CHLSN: variants seen among roughly 807,000 people sequenced by gnomAD.
CHLSN encodes cholesin, also known as protein cholesin.
At chr7:997,071 C>T in the CHLSN span, 2 of 152,492 alleles carry the variant, frequency 1.3e-5, no homozygotes, top group Non-Finnish European at 2.9e-5. Context: ...GTACGTGATC[C>T]GACTCCACAA....
At chr7:980,080 G>A in the CHLSN span, among the ~76,000 whole-genome samples, 3 of 152,228 alleles carry the variant, frequency 2.0e-5, no homozygotes, top group East Asian at 1.9e-4. Context: ...GCAGTGTTAC[G>A]TTACGCAAAG....
At chr7:1,058,846 T>C in the CHLSN span, 2 of 287,310 alleles carry the variant, frequency 7.0e-6, no homozygotes. Context: ...CCAGTATTTA[T>C]ACTTTGTGGT....
chr7:1,005,148 G>A, the CHLSN span, among the ~76,000 whole-genome samples: 5 of 152,116 alleles, frequency 3.3e-5, no homozygotes, highest in South Asian at 2.1e-4. Flanking sequence ...AAAATTAGCC[G>A]GGCGTGGTGT....
the CHLSN span, chr7:997,199 G>C: frequency 6.3e-6 from 1 of 158,600 alleles, no homozygotes; most frequent in Non-Finnish European, 1.4e-5. Context: ...GGCCCACGCA[G>C]GGGGATCGGG....
At chr7:1,011,471 C>T in the CHLSN span, among the ~76,000 whole-genome samples, 2 of 144,204 alleles carry the variant, frequency 1.4e-5, no homozygotes, top group African/African-American at 5.4e-5. Context: ...CCAGACACAC[C>T]CACACCCAGA....
At chr7:995,056 G>A in the CHLSN span, among the ~76,000 whole-genome samples, 15 of 152,248 alleles carry the variant, frequency 9.9e-5, no homozygotes, top group Non-Finnish European at 1.5e-5. Context: ...TTCCTTAGCC[G>A]GAGGCTTCCT....
the CHLSN span, chr7:1,091,518 C>A: frequency 1.8e-6 from 1 of 549,408 alleles, no homozygotes. Flanking sequence ...ATGCACCATG[C>A]CGGTGTGAGG....
At chr7:1,016,912 G>A in the CHLSN span, among the ~76,000 whole-genome samples, 335 of 108,098 alleles carry the variant, frequency 3.1e-3, 10 homozygotes, top group Admixed American at 7.3e-3. Context: ...GCACACGCCA[G>A]CGCACAGCAG....
the CHLSN span, chr7:987,355 CAGG>C: frequency 6.3e-7 from 1 of 1,580,166 alleles, no homozygotes; most frequent in Non-Finnish European, 8.6e-7. Context: ...AGGCCGGGTG[CAGG>C]AGGAGCTAGA....
the CHLSN span, among the ~76,000 whole-genome samples, chr7:978,853 G>T: frequency 6.6e-6 from 1 of 152,262 alleles, no homozygotes; most frequent in South Asian, 2.1e-4. Context: ...GCTTGGTGGA[G>T]ACATTCCACG....
the CHLSN span, among the ~76,000 whole-genome samples, chr7:1,014,845 G>A: frequency 3.3e-5 from 5 of 152,228 alleles, no homozygotes; most frequent in African/African-American, 1.2e-4. Context: ...ACCCTGTCCC[G>A]GCCTGAGCCC....
At chr7:1,089,909 C>T in the CHLSN span, among the ~76,000 whole-genome samples, 7 of 150,836 alleles carry the variant, frequency 4.6e-5, no homozygotes, top group African/African-American at 1.5e-4. Context: ...ATGGTAAAAC[C>T]CCATCTCTAC....
chr7:1,012,046 A>G, the CHLSN span, among the ~76,000 whole-genome samples: 305 of 152,280 alleles, frequency 2.0e-3, 2 homozygotes, highest in Middle Eastern at 0.014. Context: ...TCCTAGGCCC[A>G]CAGCCGCCCA....
At chr7:1,053,810 G>A in the CHLSN span, among the ~76,000 whole-genome samples, 6 of 152,336 alleles carry the variant, frequency 3.9e-5, no homozygotes, top group Middle Eastern at 6.8e-3. Flanking sequence ...CTGGGCAACA[G>A]AGCGAGACTC....
the CHLSN span, among the ~76,000 whole-genome samples, chr7:1,136,006 T>C: frequency 8.6e-6 from 1 of 115,872 alleles, no homozygotes; most frequent in Non-Finnish European, 1.6e-5. Context: ...AATATATATA[T>C]AAAATATATA....
chr7:989,937 C>G, the CHLSN span, among the ~76,000 whole-genome samples: 98 of 105,636 alleles, frequency 9.3e-4, no homozygotes, highest in African/African-American at 2.9e-3. Flanking sequence ...TGAGTGGCAC[C>G]TGTGCTGGTG....
the CHLSN span, among the ~76,000 whole-genome samples, chr7:1,031,151 G>A: frequency 6.6e-6 from 1 of 152,200 alleles, no homozygotes; most frequent in African/African-American, 2.4e-5. Flanking sequence ...CCAGATAGCT[G>A]GTGAACTGCT....
At chr7:1,132,567 A>G in the CHLSN span, among the ~76,000 whole-genome samples, 1 of 151,924 alleles carries the variant, frequency 6.6e-6, no homozygotes, top group African/African-American at 2.4e-5. Flanking sequence ...GGTGATGCAC[A>G]CCTGTAGTCC....
the CHLSN span, among the ~76,000 whole-genome samples, chr7:1,017,811 T>C: frequency 5.3e-5 from 8 of 152,194 alleles, no homozygotes; most frequent in African/African-American, 1.7e-4. Flanking sequence ...CGCCCCCCAC[T>C]GCACACAAGG....
Sources: gnomAD v4.1 joint callset for allele counts (sites outside exome capture counted in the v4.1 genomes callset) on GRCh38, gnomAD v4.1.1 for gene constraint, MANE v1.5 for transcripts, NCBI Gene and HGNC (gene_info 2026-07-23, HGNC 2026-07-21) for gene names.